PTPN6: variants seen among roughly 807,000 people sequenced by gnomAD.
PTPN6 encodes the protein tyrosine-protein phosphatase non-receptor type 6.
PTPN6 carries 18 observed loss-of-function variants against 81.5 expected under a neutral mutation model. The observed-to-expected ratio is 0.22, with a 90% CI of 0.15 to 0.33. The LOEUF (loss-of-function observed/expected upper bound fraction) is 0.33. PTPN6 is among the 10% of genes least tolerant of loss of function. The probability of loss-of-function intolerance (pLI) is 1.00; values close to 1 mark genes in which losing one functional copy is unlikely to be tolerated. For synonymous variants in PTPN6, 301 were observed against 310.9 expected (o/e 0.97, Z 0.33); for missense variants, 500 against 794.2 (o/e 0.63, Z 4.45).
rs782804780 is a variant in PTPN6 at position 6,952,171 on chromosome 12, G to A, written c.320G>A (p.Ser107Asn). ...CCGCTGAACTGCTCCGATCCCACTA[G>A]TGAGAGGTGAGGGCTCCGCACCCCC... Reference protein sequence around the residue: ...KYPLNCSDPTSERWYHGHMSG... With the variant: ...KYPLNCSDPTNERWYHGHMSG... The change falls in exon 3 of 16, where the codon AGT becomes AAT. Residue 107 changes from serine (S) to asparagine (N), a missense_variant. Around this residue, in one of 6 missense-constraint regions of PTPN6, gnomAD observed 98 missense variants for 199.2 expected, o/e 0.49. Coordinates refer to ENST00000318974, the MANE Select transcript of PTPN6 (RefSeq NM_002831.6). The surrounding 1 kb of genome is among the most constrained non-coding windows in gnomAD (Gnocchi z 8.1). 4 of 1,613,834 alleles carry A rather than the reference G, an allele frequency of 2.5e-6. No homozygotes were observed. The Admixed American group carries it at 6.7e-5, about 27-fold the overall frequency.
chr12:6,959,727 C>T lies in PTPN6; in HGVS notation c.1362-200C>T. The T allele has an allele frequency of 1.6e-6, 1 of 633,190 alleles. No homozygotes were observed. The highest frequency in any genetic ancestry group is 1.8e-5 in the African/African-American group (1 of 54,888). 39.2% of individuals were successfully genotyped at this position (633,190 alleles called of 1,614,324 possible). A position where few individuals can be genotyped will look rare whatever the true frequency, so the allele number is the denominator to read the frequency against. On this transcript the variant is annotated intron_variant, in intron 11 of 15. Transcript: ENST00000318974. This position sits in a 1 kb window ranked among gnomAD's most constrained non-coding sequence, Gnocchi z 6.6. Reference sequence around the variant, plus strand: ...AGCTGGGGAGCCAGCGTCAGCACCGCAGAGCCCGAGGTGGAGCGTGTCCAT... The same window carrying T: ...AGCTGGGGAGCCAGCGTCAGCACCGTAGAGCCCGAGGTGGAGCGTGTCCAT...
upstream of PTPN6, among the ~76,000 whole-genome samples, chr12:6,946,929 C>T (rs1555146919): frequency 6.6e-6 from 1 of 152,192 alleles, no homozygotes; most frequent in African/African-American, 2.4e-5. Flanking sequence ...TGCTCCTCTG[C>T]CCCCTCTTTA....
chr12:6,956,348 A>G lies in PTPN6; in HGVS notation c.925-71A>G. The G allele has an allele frequency of 1.2e-6, 2 of 1,612,548 alleles. No individual in the cohort carries two copies. Among genetic ancestry groups the G allele is most frequent in the South Asian group, 2.2e-5 (2 of 91,034 alleles). On this transcript the variant is annotated intron_variant, in intron 8 of 15. Transcript: ENST00000318974. This position sits in a 1 kb window ranked among gnomAD's most constrained non-coding sequence, Gnocchi z 4.1. Reference sequence around the variant, plus strand: ...GGCTTCTTGCATGGGTGAGGGTGGCAGTGGTTCAGGGCCTGTGCTGGGCCA... The same window carrying G: ...GGCTTCTTGCATGGGTGAGGGTGGCGGTGGTTCAGGGCCTGTGCTGGGCCA...
At chr12:6,958,240 G>A (rs782261919) in intron 11 of PTPN6, among the ~76,000 whole-genome samples, 167 bp downstream of exon 11, 2 of 152,138 alleles carry the variant, frequency 1.3e-5, no homozygotes, top group African/African-American at 4.8e-5. Flanking sequence ...TGGGTGGATC[G>A]TGGCTGGAAC....
rs377270547 is a variant in PTPN6, at chr12:6,956,194, C to A, written c.897C>A (p.Ser299=). The A allele has an allele frequency of 6.2e-7, 1 of 1,614,170 alleles. No individual in the cohort carries two copies. The highest frequency in any genetic ancestry group is 8.5e-7 in the Non-Finnish European group (1 of 1,180,022). ...LQGRDSNIPG[S]DYINANYIKN... is the part of the protein sequence containing the mutation. Reference sequence around the variant, plus strand: ...GACGGGACAGTAACATCCCCGGGTCCGACTACATCAATGCCAACTACATCA... The same window carrying A: ...GACGGGACAGTAACATCCCCGGGTCAGACTACATCAATGCCAACTACATCA... Residue 299 remains serine (S), a synonymous_variant, in exon 8 of 16, where the codon TCC becomes TCA. Transcript: ENST00000318974. The surrounding 1 kb of genome is among the most constrained non-coding windows in gnomAD (Gnocchi z 4.1).
At chr12:6,958,356 G>C (rs1416975754) in intron 11 of PTPN6, among the ~76,000 whole-genome samples, 1 of 152,232 alleles carries the variant, frequency 6.6e-6, no homozygotes, top group Non-Finnish European at 1.5e-5. Context: ...CCGGGACCCA[G>C]TTGCTGGCCA....
Position 6,960,244 on chromosome 12 carries a change from G to A in PTPN6, c.1581+5G>A, listed in dbSNP as rs782374622. ...AAGAAGCTGGAGGTCCTGCAGGTGC[G>A]TGCAGAGCAGGGCCTGGGGGGGGGG... On this transcript the variant is annotated splice_donor_5th_base_variant and intron_variant, in intron 13 of 15. Coordinates refer to ENST00000318974, the MANE Select transcript of PTPN6 (RefSeq NM_002831.6). The surrounding 1 kb of genome is among the most constrained non-coding windows in gnomAD (Gnocchi z 6.1). 43 of 1,602,210 alleles carry A rather than the reference G, an allele frequency of 2.7e-5. No homozygotes were observed. Among genetic ancestry groups the A allele is most frequent in the East Asian group, 1.6e-4 (7 of 44,040 alleles).
At chr12:6,961,038 T>C in intron 15 of PTPN6, 88 bp from the exon 16 acceptor site, 1 of 1,526,246 alleles carries the variant, frequency 6.6e-7, no homozygotes, top group Non-Finnish European at 8.8e-7. Context: ...CGCAGCCTCA[T>C]TCTGTGCTTC....
chr12:6,947,144 C>G (rs188376709), upstream of PTPN6, among the ~76,000 whole-genome samples: 5 of 152,300 alleles, frequency 3.3e-5, no homozygotes, highest in African/African-American at 1.2e-4. Flanking sequence ...ACTTTGGTCC[C>G]ATCTTCTTTG....
rs1946014206 is a variant in PTPN6 at position 6,955,587 on chromosome 12, C to T, written c.748-73C>T. 1.9e-5 allele frequency: 30 copies of T among 1,568,980 alleles called. No homozygotes were observed. In the South Asian group the frequency reaches 3.3e-4, roughly 17 times the overall value. On this transcript the variant is annotated intron_variant, in intron 6 of 15. Transcript: ENST00000318974. This position sits in a 1 kb window ranked among gnomAD's most constrained non-coding sequence, Gnocchi z 7.2. ...CCTCCTTGCCCACCTCTGCTCCTGACCCACCCCACGTGAGCTCCCCCGATG... is the reference window on the plus strand; with the variant it reads ...CCTCCTTGCCCACCTCTGCTCCTGATCCACCCCACGTGAGCTCCCCCGATG...
Position 6,952,483 on chromosome 12 carries a change from C to A in PTPN6, c.326+306C>A. 1 of 494,210 alleles carries A rather than the reference C, an allele frequency of 2.0e-6. No homozygotes were observed. The highest frequency in any genetic ancestry group is 3.7e-5 in the East Asian group (1 of 27,024). The allele number at this position is 494,210 out of a possible 1,614,324, so 30.6% of individuals were successfully genotyped here. ...AGACAGGGAGGCCACTGCTGGTGGC[C>A]AGCATGTCGTGCAGGCCAGCTCTGT... On this transcript the variant is annotated intron_variant, in intron 3 of 15. Transcript: ENST00000318974. The surrounding 1 kb of genome is among the most constrained non-coding windows in gnomAD (Gnocchi z 8.1).
chr12:6,955,187 G>C lies in PTPN6; in HGVS notation c.553G>C (p.Asp185His), dbSNP rs782079530. 1 of 1,614,204 alleles carries C rather than the reference G, an allele frequency of 6.2e-7. No homozygotes were observed. Among genetic ancestry groups the C allele is most frequent in the East Asian group, 2.2e-5 (1 of 44,892 alleles). ...RYTVGGLETFDSLTDLVEHFK... is the reference protein window; with the variant it reads ...RYTVGGLETFHSLTDLVEHFK... The stretch of plus-strand genomic sequence containing the variant: ...CACAGTGGGTGGTTTGGAGACCTTC[G>C]ACAGCCTCACGGACCTGGTGGAGCA... Residue 185 changes from aspartate (D) to histidine (H), a missense_variant, in exon 5 of 16, where the codon GAC (aspartate) becomes CAC (histidine). Around this residue, in one of 6 missense-constraint regions of PTPN6, gnomAD observed 96 missense variants for 137.3 expected, o/e 0.70. Coordinates refer to ENST00000318974, the MANE Select transcript of PTPN6 (RefSeq NM_002831.6). This position sits in a 1 kb window ranked among gnomAD's most constrained non-coding sequence, Gnocchi z 7.2.
rs781965941 is a variant in PTPN6, at chr12:6,951,755, G to A, written c.131+24G>A. On this transcript the variant is annotated intron_variant, in intron 2 of 15. Coordinates refer to ENST00000318974, the MANE Select transcript of PTPN6 (RefSeq NM_002831.6). The surrounding 1 kb of genome is among the most constrained non-coding windows in gnomAD (Gnocchi z 7.2). The stretch of plus-strand genomic sequence containing the variant: ...AGGTAGGTGGGCCCCCCGCAACCCC[G>A]GGCATTTTGGCCACTCTCTTGTGCC... The A allele has an allele frequency of 9.9e-6, 16 of 1,608,424 alleles. No homozygotes were observed. In the East Asian group the frequency reaches 1.6e-4, roughly 16 times the overall value.
Position 6,951,649 on chromosome 12 carries a change from C to G in PTPN6, c.49C>G (p.Leu17Val), listed in dbSNP as rs1555147762. ...CCTCAGTGGGCTGGATGCAGAGACC[C>G]TGCTCAAGGGCCGAGGTGTCCACGG... ...RDLSGLDAETLLKGRGVHGSF... is the reference protein window; with the variant it reads ...RDLSGLDAETVLKGRGVHGSF... The change falls in exon 2 of 16, where the codon CTG becomes GTG. Residue 17 changes from leucine (L) to valine (V), a missense_variant. Coordinates refer to ENST00000318974, the MANE Select transcript of PTPN6 (RefSeq NM_002831.6). The surrounding 1 kb of genome is among the most constrained non-coding windows in gnomAD (Gnocchi z 7.2). The G allele has an allele frequency of 6.2e-7, 1 of 1,613,816 alleles. No individual in the cohort carries two copies. Among genetic ancestry groups the G allele is most frequent in the Admixed American group, 1.7e-5 (1 of 60,014 alleles).
rs1312594322 is a variant in PTPN6 at position 6,951,723 on chromosome 12, C to G, written c.123C>G (p.Leu41=). The G allele has an allele frequency of 1.9e-6, 3 of 1,612,502 alleles. No homozygotes were observed. Among genetic ancestry groups the G allele is most frequent in the Non-Finnish European group, 2.5e-6 (3 of 1,180,006 alleles). The change falls in exon 2 of 16, where the codon CTC becomes CTG. Residue 41 remains leucine, a synonymous_variant. Coordinates refer to ENST00000318974, the MANE Select transcript of PTPN6 (RefSeq NM_002831.6). This position sits in a 1 kb window ranked among gnomAD's most constrained non-coding sequence, Gnocchi z 7.2. ...GCAAGAACCAGGGTGACTTCTCGCT[C>G]TCCGTCAGGTAGGTGGGCCCCCCGC... ...PSRKNQGDFS[L]SVRVGDQVTH...
rs1396474987 is a variant in PTPN6, at chr12:6,955,822, C to T, written c.844+66C>T. The T allele has an allele frequency of 7.0e-7, 1 of 1,422,170 alleles. No individual in the cohort carries two copies. Among genetic ancestry groups the T allele is most frequent in the Non-Finnish European group, 9.9e-7 (1 of 1,008,130 alleles). The allele number at this position is 1,422,170 out of a possible 1,614,324, so 88.1% of individuals were successfully genotyped here. A position where few individuals can be genotyped will look rare whatever the true frequency, so the allele number is the denominator to read the frequency against. ...CTGCCCCAGCTGCCTCCCCTCATCTCACAGGTCTCCACCCTCCACGCCAGG... is the reference window on the plus strand; with the variant it reads ...CTGCCCCAGCTGCCTCCCCTCATCTTACAGGTCTCCACCCTCCACGCCAGG... On this transcript the variant is annotated intron_variant, in intron 7 of 15. Transcript: ENST00000318974. The surrounding 1 kb of genome is among the most constrained non-coding windows in gnomAD (Gnocchi z 7.2).
At chr12:6,949,650 C>A (rs1277727148), upstream of PTPN6, among the ~76,000 whole-genome samples, 1 of 152,082 alleles carries the variant, frequency 6.6e-6, no homozygotes, top group East Asian at 1.9e-4. Context: ...TGCCACTTAC[C>A]AGCTTTTCAC....
rs376631253 is a variant in PTPN6 at position 6,960,036 on chromosome 12, C to A, written c.1429+42C>A. Reference sequence around the variant, plus strand: ...GGTTTGGGGGTGGGGGGTGAGCAGCCCCTCGGTGTCCGCCTATGCCTGGAC... The same window carrying A: ...GGTTTGGGGGTGGGGGGTGAGCAGCACCTCGGTGTCCGCCTATGCCTGGAC... On this transcript the variant is annotated intron_variant, in intron 12 of 15. Coordinates refer to ENST00000318974, the MANE Select transcript of PTPN6 (RefSeq NM_002831.6). The surrounding 1 kb of genome is among the most constrained non-coding windows in gnomAD (Gnocchi z 6.1). The A allele has an allele frequency of 2.5e-6, 4 of 1,612,356 alleles. No homozygotes were observed. Among genetic ancestry groups the A allele is most frequent in the Non-Finnish European group, 2.5e-6 (3 of 1,179,826 alleles).
chr12:6,955,704 A>G lies in PTPN6; in HGVS notation c.792A>G (p.Glu264=), dbSNP rs782075547. 6.2e-7 allele frequency: 1 copy of G among 1,613,978 alleles called. No individual in the cohort carries two copies. The highest frequency in any genetic ancestry group is 1.1e-5 in the South Asian group (1 of 91,074). ...TGAAGAACTTGCACCAGCGTCTGGAAGGGCAGCGGCCAGAGAACAAGGGCA... is the reference window on the plus strand; with the variant it reads ...TGAAGAACTTGCACCAGCGTCTGGAGGGGCAGCGGCCAGAGAACAAGGGCA... ...QEVKNLHQRL[E]GQRPENKGKN... Residue 264 remains glutamate (E), a synonymous_variant, in exon 7 of 16, where the codon GAA becomes GAG. Transcript: ENST00000318974. The surrounding 1 kb of genome is among the most constrained non-coding windows in gnomAD (Gnocchi z 7.2).
Sources: gnomAD v4.1 joint callset for allele counts (sites outside exome capture counted in the v4.1 genomes callset) on GRCh38, gnomAD v4.1.1 for gene constraint, gnomAD v4.1.1 regional missense constraint, Gnocchi (gnomAD v3.1) non-coding constraint, MANE v1.5 for transcripts, NCBI Gene and HGNC (gene_info 2026-07-23, HGNC 2026-07-21) for gene names.